CENPW: variants seen among roughly 807,000 people sequenced by gnomAD.
CENPW encodes the protein cancer-up-regulated gene 2 protein.
In CENPW, 3 loss-of-function variants were observed where a neutral mutation model predicts 11.1. The ratio of observed to expected loss-of-function variants is 0.27; its 90% CI spans 0.12 to 0.70. The LOEUF (loss-of-function observed/expected upper bound fraction) is 0.70. CENPW is among the 30% of genes least tolerant of loss of function. The pLI is 0.77. For synonymous variants in CENPW, 38 were observed against 42.0 expected (o/e 0.91, Z 0.37); for missense variants, 100 against 105.6 (o/e 0.95, Z 0.23).
chr6:126,356,982 T>A, the CENPW span, among the ~76,000 whole-genome samples: 1 of 152,210 alleles, frequency 6.6e-6, no homozygotes, highest in Non-Finnish European at 1.5e-5. Context: ...GTTGTTGCCA[T>A]TGCTTTTGGA....
chr6:126,359,424 A>T, the CENPW span, among the ~76,000 whole-genome samples: 1 of 152,018 alleles, frequency 6.6e-6, no homozygotes, highest in Non-Finnish European at 1.5e-5. Flanking sequence ...TATTCTGTAG[A>T]TGTCTGTTAG....
At chr6:126,400,054 G>C in the CENPW span, among the ~76,000 whole-genome samples, 1 of 151,894 alleles carries the variant, frequency 6.6e-6, no homozygotes, top group Admixed American at 6.6e-5. Context: ...AAATAAAACT[G>C]TTATGAACAT....
the CENPW span, among the ~76,000 whole-genome samples, chr6:126,416,831 G>A: frequency 6.6e-6 from 1 of 152,184 alleles, no homozygotes; most frequent in Non-Finnish European, 1.5e-5. Flanking sequence ...GCAGGATCAG[G>A]GGTCTCATGG....
the CENPW span, among the ~76,000 whole-genome samples, chr6:126,411,535 C>T: frequency 5.9e-5 from 9 of 152,116 alleles, no homozygotes; most frequent in African/African-American, 2.2e-4. Context: ...TGGGCCTTAT[C>T]GTGCAAGTTC....
At chr6:126,389,564 C>T in the CENPW span, among the ~76,000 whole-genome samples, 4 of 151,738 alleles carry the variant, frequency 2.6e-5, no homozygotes, top group Admixed American at 6.6e-5. Context: ...CACACACACG[C>T]GTGCACATCC....
chr6:126,427,490 A>T, the CENPW span, among the ~76,000 whole-genome samples: 1 of 152,270 alleles, frequency 6.6e-6, no homozygotes, highest in South Asian at 2.1e-4. Context: ...CTGTGTATTA[A>T]AAGCCACATC....
chr6:126,452,219 G>T, the CENPW span, among the ~76,000 whole-genome samples: 1 of 151,080 alleles, frequency 6.6e-6, no homozygotes, highest in African/African-American at 2.4e-5. Flanking sequence ...AAACATCCAG[G>T]ATTTAATTCA....
chr6:126,474,417 G>A, the CENPW span, among the ~76,000 whole-genome samples: 39 of 152,164 alleles, frequency 2.6e-4, no homozygotes, highest in Non-Finnish European at 1.5e-5. Context: ...CAATTACCAG[G>A]CACCCACACT....
chr6:126,413,274 G>A, the CENPW span, among the ~76,000 whole-genome samples: 1 of 151,896 alleles, frequency 6.6e-6, no homozygotes, highest in Non-Finnish European at 1.5e-5. Context: ...ATTCTTAAAG[G>A]CACAAAATAG....
intron 2 of CENPW, 51 bp from the exon 3 acceptor site, chr6:126,348,415 G>T: frequency 1.0e-6 from 1 of 999,614 alleles, no homozygotes; most frequent in East Asian, 2.5e-5. Flanking sequence ...AAGGAATGAT[G>T]TTTTATTTTT....
the CENPW span, among the ~76,000 whole-genome samples, chr6:126,364,909 A>T: frequency 3.3e-5 from 5 of 152,226 alleles, no homozygotes; most frequent in Non-Finnish European, 7.3e-5. Context: ...TAGTCCCCAC[A>T]AAAGCCTGTA....
chr6:126,374,579 C>T, the CENPW span, among the ~76,000 whole-genome samples: 2 of 152,144 alleles, frequency 1.3e-5, no homozygotes, highest in African/African-American at 4.8e-5. Context: ...ACTGAGATCA[C>T]ATTTGTCAGC....
chr6:126,380,647 T>G, the CENPW span, among the ~76,000 whole-genome samples: 1 of 152,196 alleles, frequency 6.6e-6, no homozygotes, highest in Admixed American at 6.5e-5. Context: ...TAATGCATAG[T>G]AGACAAAATA....
the CENPW span, among the ~76,000 whole-genome samples, chr6:126,457,773 T>C: frequency 1.5e-3 from 225 of 151,466 alleles, 1 homozygote; most frequent in African/African-American, 5.1e-3. Flanking sequence ...TATTGAAGAC[T>C]CAGGGCATTG....
At chr6:126,340,741 T>C (rs1249788251) in intron 1 of CENPW, among the ~76,000 whole-genome samples, 1 of 152,240 alleles carries the variant, frequency 6.6e-6, no homozygotes, top group East Asian at 1.9e-4. Context: ...GCAAAGGGTA[T>C]GAAAGAATCA....
the CENPW span, among the ~76,000 whole-genome samples, chr6:126,459,381 AG>A: frequency 6.6e-6 from 1 of 151,578 alleles, no homozygotes; most frequent in Admixed American, 6.6e-5. Context: ...ATGAGAAGTA[AG>A]GATTGAAAGG....
the CENPW span, among the ~76,000 whole-genome samples, chr6:126,383,272 A>G: frequency 1.3e-5 from 2 of 152,174 alleles, no homozygotes; most frequent in Non-Finnish European, 2.9e-5. Flanking sequence ...GCTCCTGAAG[A>G]AGTACTAAAT....
chr6:126,396,642 T>G, the CENPW span, among the ~76,000 whole-genome samples: 2 of 151,914 alleles, frequency 1.3e-5, no homozygotes, highest in Non-Finnish European at 2.9e-5. Flanking sequence ...ATATCCAGCA[T>G]AGTTGGGAAT....
the CENPW span, among the ~76,000 whole-genome samples, chr6:126,373,084 A>G: frequency 6.6e-6 from 1 of 152,218 alleles, no homozygotes; most frequent in Non-Finnish European, 1.5e-5. Context: ...AAAATAATAA[A>G]TGTACAAGAT....
Sources: allele counts gnomAD v4.1 joint callset (sites outside exome capture counted in the v4.1 genomes callset), GRCh38; gene constraint gnomAD v4.1.1; transcripts MANE v1.5; gene names NCBI Gene and HGNC (gene_info 2026-07-23, HGNC 2026-07-21).